ADGRV1: variants seen among roughly 807,000 people sequenced by gnomAD.
ADGRV1 encodes adhesion G protein-coupled receptor V1, also known as G-protein coupled receptor 98.
ADGRV1 carries 359 observed loss-of-function variants against 596.2 expected under a neutral mutation model. The observed-to-expected ratio is 0.60, with a 90% CI of 0.55 to 0.66. The LOEUF is 0.66. ADGRV1 is among the 30% of genes least tolerant of loss of function. The pLI is 0.00. For missense variants in ADGRV1, 7,274 were observed against 7,575.6 expected (o/e 0.96, Z 1.48); for synonymous variants, 2,681 against 2,679.2 (o/e 1.00, Z -0.02).
At chr5:90,729,274 A>G (rs1752212481) in intron 49 of ADGRV1, among the ~76,000 whole-genome samples, 1 of 152,202 alleles carries the variant, frequency 6.6e-6, no homozygotes, top group Non-Finnish European at 1.5e-5. Context: ...AATTTATAGT[A>G]TTAGTAAATA....
At chr5:90,681,507 T>C in intron 27 of ADGRV1, 53 bp downstream of exon 27, 1 of 1,540,084 alleles carries the variant, frequency 6.5e-7, no homozygotes, top group South Asian at 1.2e-5. Flanking sequence ...TTTTAAAAAC[T>C]GTACTGTGCT....
intron 1 of ADGRV1, among the ~76,000 whole-genome samples, chr5:90,574,661 A>G (rs1043160966): frequency 6.6e-6 from 1 of 152,124 alleles, no homozygotes; most frequent in Non-Finnish European, 1.5e-5. Context: ...TTTCAGTGGG[A>G]TTGATATCAG....
chr5:90,895,741 A>G (rs1309710559), intron 83 of ADGRV1, among the ~76,000 whole-genome samples: 6 of 152,166 alleles, frequency 3.9e-5, no homozygotes, highest in African/African-American at 1.2e-4. Context: ...TTTGCTGGTA[A>G]TAGTTTTAAC....
intron 4 of ADGRV1, among the ~76,000 whole-genome samples, chr5:90,622,059 A>G (rs755702619): frequency 7.2e-5 from 11 of 152,096 alleles, no homozygotes; most frequent in Non-Finnish European, 1.3e-4. Flanking sequence ...CTCCTCTTCT[A>G]CCCTGAGTTT....
At chr5:91,101,580 A>G (rs1303555571) in intron 86 of ADGRV1, among the ~76,000 whole-genome samples, 1 of 152,250 alleles carries the variant, frequency 6.6e-6, no homozygotes, top group Non-Finnish European at 1.5e-5. Context: ...ACAAGTGGAA[A>G]GGGTAATAAA....
intron 87 of ADGRV1, among the ~76,000 whole-genome samples, chr5:91,108,617 C>T (rs2126680328): frequency 6.6e-6 from 1 of 152,136 alleles, no homozygotes; most frequent in African/African-American, 2.4e-5. Context: ...TCCTTTGAGA[C>T]AGGGTCTCGT....
At chr5:90,690,717 A>T (rs191874058) in intron 30 of ADGRV1, 80 bp from the exon 31 acceptor site, 9 of 1,354,880 alleles carry the variant, frequency 6.6e-6, no homozygotes, top group Non-Finnish European at 9.2e-6. Context: ...AAGAGAATCC[A>T]CTATAGGATG....
At chr5:91,147,098 C>G (rs933981582) in intron 87 of ADGRV1, among the ~76,000 whole-genome samples, 2 of 148,550 alleles carry the variant, frequency 1.3e-5, no homozygotes, top group African/African-American at 5.0e-5. Context: ...GCCTGGGAGG[C>G]AGGTTGCACC....
At chr5:90,806,397 G>A (rs1049212714) in intron 72 of ADGRV1, among the ~76,000 whole-genome samples, 2 of 152,050 alleles carry the variant, frequency 1.3e-5, no homozygotes, top group Admixed American at 1.3e-4. Flanking sequence ...GTCTCCTCTT[G>A]TTTTCCTTTT....
intron 33 of ADGRV1, among the ~76,000 whole-genome samples, 162 bp downstream of exon 33, chr5:90,694,863 G>A (rs1746986625): frequency 6.6e-6 from 1 of 152,090 alleles, no homozygotes; most frequent in African/African-American, 2.4e-5. Flanking sequence ...CTTGTTAATG[G>A]TTGACATGAC....
chr5:90,856,183 A>G (rs1429848772), intron 82 of ADGRV1, among the ~76,000 whole-genome samples: 2 of 152,322 alleles, frequency 1.3e-5, no homozygotes, highest in South Asian at 2.1e-4. Flanking sequence ...AGGAAAGGCT[A>G]TAGTTTACAG....
At chr5:90,663,036 A>C (rs1217836767) in intron 21 of ADGRV1, among the ~76,000 whole-genome samples, 2 of 148,732 alleles carry the variant, frequency 1.3e-5, no homozygotes, top group Admixed American at 6.8e-5. Flanking sequence ...GTTGGTTCCA[A>C]GTCTTTGCTA....
In ADGRV1 at chr5:90,627,453, T is replaced by A; in HGVS notation, c.915T>A (p.Tyr305Ter). Reference sequence around the variant, plus strand: ...ATGAATATGAGGTTTCAATCAGTTATGCTGTCACAACTGGGAATTCCACAG... The same window carrying A: ...ATGAATATGAGGTTTCAATCAGTTAAGCTGTCACAACTGGGAATTCCACAG... ...GSDEYEVSIS[Y>*]AVTTGNSTAH... The change falls in exon 7 of 90, where the codon TAT becomes TAA. Residue 305 changes from tyrosine (Y) to a stop codon, truncating the protein, a stop_gained. Transcript: ENST00000405460. LOFTEE classifies it high-confidence loss of function. 1 of 1,614,002 alleles carries A rather than the reference T, an allele frequency of 6.2e-7. No homozygotes were observed. Among genetic ancestry groups the A allele is most frequent in the Non-Finnish European group, 8.5e-7 (1 of 1,179,874 alleles).
In ADGRV1 at chr5:90,763,464, G is replaced by C. The variant is rs1410224219; in HGVS notation, c.12280G>C (p.Asp4094His). The C allele has an allele frequency of 1.2e-6, 2 of 1,612,040 alleles. No homozygotes were observed. The highest frequency in any genetic ancestry group is 1.7e-6 in the Non-Finnish European group (2 of 1,178,374). ...TCCTTTGAATGGGACCCTTCATTTT[G>C]ATGAGGTATAGTCAGCATTAGCACT... ...LSPLNGTLHF[D>H]ETESQKTIVL... Residue 4094 changes from aspartate to histidine, a missense_variant, in exon 59 of 90, where the codon GAT (aspartate) becomes CAT (histidine). Coordinates refer to ENST00000405460, the MANE Select transcript of ADGRV1 (RefSeq NM_032119.4).
rs201586455 is a variant in ADGRV1 at position 90,706,355 on chromosome 5, A to C, written c.8691A>C (p.Glu2897Asp). 8,723 of 1,612,490 alleles carry C rather than the reference A, an allele frequency of 5.4e-3. 42 individuals carry two copies. The highest frequency in any genetic ancestry group is 6.1e-3 in the Non-Finnish European group (7,246 of 1,179,176). ...TCATTGGCTTTCTGATTTTAGAAGA[A>C]GGGGAAACAGCAGCAGCCATCAACA... Reference protein sequence around the residue: ...VPIIGFLILEEGETAAAINIT... With the variant: ...VPIIGFLILEDGETAAAINIT... The change falls in exon 38 of 90, where the codon GAA (glutamate) becomes GAC (aspartate). Residue 2897 changes from glutamate to aspartate, a missense_variant. By Grantham distance (45) the Glu-to-Asp change is conservative (BLOSUM62 2). Transcript: ENST00000405460.
intron 2 of ADGRV1, among the ~76,000 whole-genome samples, chr5:90,616,994 T>C (rs1400113397): frequency 1.3e-5 from 2 of 152,210 alleles, no homozygotes; most frequent in African/African-American, 2.4e-5. Context: ...ACATGAGATA[T>C]CTATCTTTCA....
intron 89 of ADGRV1, among the ~76,000 whole-genome samples, chr5:91,163,279 A>C (rs933390878): frequency 2.0e-5 from 3 of 152,184 alleles, no homozygotes; most frequent in Non-Finnish European, 4.4e-5. Flanking sequence ...ATTCAAAGCC[A>C]ATGTCTTCAG....
At chr5:90,865,402 G>A (rs1239464602) in intron 83 of ADGRV1, among the ~76,000 whole-genome samples, 1 of 152,132 alleles carries the variant, frequency 6.6e-6, no homozygotes, top group Non-Finnish European at 1.5e-5. Context: ...ATTACAGACA[G>A]CTCTTCAGTG....
chr5:90,908,993 C>T (rs966439470), intron 83 of ADGRV1, among the ~76,000 whole-genome samples: 16 of 152,020 alleles, frequency 1.1e-4, no homozygotes, highest in Non-Finnish European at 2.1e-4. Context: ...GAGTATATTG[C>T]GGGAGATTGG....
Sources: gnomAD v4.1 joint callset for allele counts (sites outside exome capture counted in the v4.1 genomes callset) on GRCh38, gnomAD v4.1.1 for gene constraint, MANE v1.5 for transcripts, NCBI Gene and HGNC (gene_info 2026-07-23, HGNC 2026-07-21) for gene names.